The following STK38L variants were observed in gnomAD, a reference collection of about 807,000 sequenced individuals.
STK38L encodes serine/threonine kinase 38 like, also known as serine/threonine-protein kinase 38-like.
Under a neutral mutation model 59.7 loss-of-function variants are expected in STK38L, and 28 were observed. The observed-to-expected ratio is 0.47, with a 90% CI of 0.35 to 0.64. STK38L has a LOEUF of 0.64. Ranked by LOEUF, STK38L falls within the 30% of genes least tolerant of loss-of-function variation. STK38L has a pLI of 0.01. For missense variants in STK38L, 314 were observed against 555.8 expected (o/e 0.56, Z 4.37); for synonymous variants, 162 against 176.8 (o/e 0.92, Z 0.66).
At chr12:27,290,126 AAC>A (rs1295387141) in intron 1 of STK38L, among the ~76,000 whole-genome samples, 1 of 152,252 alleles carries the variant, frequency 6.6e-6, no homozygotes, top group Non-Finnish European at 1.5e-5. Flanking sequence ...TGATTTATCA[AAC>A]ACATGACGTA....
intron 1 of STK38L, among the ~76,000 whole-genome samples, chr12:27,286,102 T>A (rs1355943693): frequency 6.6e-6 from 1 of 152,178 alleles, no homozygotes; most frequent in Non-Finnish European, 1.5e-5. Context: ...TTAGTTTTGT[T>A]CCATGACATC....
At chr12:27,284,803 G>A (rs555063892) in intron 1 of STK38L, among the ~76,000 whole-genome samples, 1 of 152,330 alleles carries the variant, frequency 6.6e-6, no homozygotes, top group South Asian at 2.1e-4. Flanking sequence ...AGGTATTAAT[G>A]ATAAAGGTCA....
chr12:27,283,890 C>T (rs1036314143), intron 1 of STK38L, among the ~76,000 whole-genome samples: 2 of 152,066 alleles, frequency 1.3e-5, no homozygotes, highest in African/African-American at 4.8e-5. Context: ...ATTTTGAGAC[C>T]CTAACTTTGG....
At chr12:27,267,223 G>C (rs568385492) in intron 1 of STK38L, among the ~76,000 whole-genome samples, 1 of 151,994 alleles carries the variant, frequency 6.6e-6, no homozygotes, top group East Asian at 1.9e-4. Flanking sequence ...TGTCACATAT[G>C]AGAATATAAA....
At chr12:27,268,962 G>C (rs187905397) in intron 1 of STK38L, among the ~76,000 whole-genome samples, 1 of 152,048 alleles carries the variant, frequency 6.6e-6, no homozygotes, top group African/African-American at 2.4e-5. Flanking sequence ...TTTTTGATGG[G>C]GTTGTTTGTT....
At chr12:27,280,375 A>G (rs1943628146) in intron 1 of STK38L, among the ~76,000 whole-genome samples, 1 of 152,138 alleles carries the variant, frequency 6.6e-6, no homozygotes, top group African/African-American at 2.4e-5. Flanking sequence ...GATGTTTTTC[A>G]TTTTTATAGA....
At chr12:27,303,576 T>G (rs576125221) in intron 3 of STK38L, among the ~76,000 whole-genome samples, 1 of 152,188 alleles carries the variant, frequency 6.6e-6, no homozygotes, top group South Asian at 2.1e-4. Context: ...AAACAAATAA[T>G]GGCTTTTGCC....
chr12:27,288,349 ACTTTT>A (rs1373295435), intron 1 of STK38L, among the ~76,000 whole-genome samples: 1 of 152,204 alleles, frequency 6.6e-6, no homozygotes, highest in Non-Finnish European at 1.5e-5. Flanking sequence ...CTTTCGTCTT[ACTTTT>A]GACGGACCCA....
At chr12:27,303,848 G>T (rs1159783025) in intron 3 of STK38L, among the ~76,000 whole-genome samples, 1 of 152,122 alleles carries the variant, frequency 6.6e-6, no homozygotes, top group African/African-American at 2.4e-5. Context: ...GCTATAAAGG[G>T]TGCAATAAAA....
chr12:27,315,100 AC>A lies in STK38L; in HGVS notation c.761del (p.Pro254HisfsTer10). ...RTEFYRNLTH[N>X]PPSDFSFQNM... is the part of the protein sequence containing the mutation. ...GAATTTTATAGAAATCTCACACACA[AC>A]CCACCAAGTGACTTCTGTAAGTTTG... On this transcript the variant is annotated frameshift_variant, in exon 8 of 14. Coordinates refer to ENST00000389032, the MANE Select transcript of STK38L (RefSeq NM_015000.4). LOFTEE classifies it high-confidence loss of function. 1 of 1,613,506 alleles carries A rather than the reference AC, an allele frequency of 6.2e-7. No homozygotes were observed. Among genetic ancestry groups the A allele is most frequent in the Non-Finnish European group, 8.5e-7 (1 of 1,179,710 alleles).
chr12:27,307,314 G>T (rs957444963), intron 3 of STK38L, among the ~76,000 whole-genome samples: 2 of 152,174 alleles, frequency 1.3e-5, no homozygotes, highest in African/African-American at 4.8e-5. Flanking sequence ...AACTTTGTTA[G>T]AAGTATCAGA....
chr12:27,320,099 A>G (rs962340950), intron 12 of STK38L, among the ~76,000 whole-genome samples: 3 of 151,874 alleles, frequency 2.0e-5, no homozygotes, highest in African/African-American at 7.3e-5. Flanking sequence ...TCCCACCTCT[A>G]AGTTTTGCTA....
In STK38L at chr12:27,322,659, ATTAT is replaced by A; in HGVS notation, c.*207_*210del. The A allele has an allele frequency of 2.0e-6, 1 of 503,540 alleles. No individual in the cohort carries two copies. Among genetic ancestry groups the A allele is most frequent in the South Asian group, 4.8e-5 (1 of 21,052 alleles). The allele number at this position is 503,540 out of a possible 1,614,324, so 31.2% of individuals were successfully genotyped here. A position where few individuals can be genotyped will look rare whatever the true frequency, so the allele number is the denominator to read the frequency against. On this transcript the variant is annotated 3_prime_UTR_variant, in exon 14 of 14. Transcript: ENST00000389032. ...AGCTGGCTCTTTTTTTTAATATTTT[ATTAT>A]TTTTGTTAACTTTATTATATGAAGG...
chr12:27,294,342 A>C (rs1198074480), intron 1 of STK38L, among the ~76,000 whole-genome samples: 2 of 151,984 alleles, frequency 1.3e-5, no homozygotes, highest in Non-Finnish European at 2.9e-5. Flanking sequence ...CAACTTGGTG[A>C]AACCCCATCT....
At chr12:27,250,639 T>G (rs2136600587) in intron 1 of STK38L, among the ~76,000 whole-genome samples, 1 of 152,136 alleles carries the variant, frequency 6.6e-6, no homozygotes, top group East Asian at 1.9e-4. Context: ...ATGAGGAAAT[T>G]GGAGCTTAGA....
intron 1 of STK38L, among the ~76,000 whole-genome samples, chr12:27,250,254 C>T (rs4964050): frequency 0.43 from 66,076 of 152,012 alleles, 15,422 homozygotes; most frequent in East Asian, 0.86. Flanking sequence ...TTTATGAATA[C>T]GGTTATTGCT....
chr12:27,315,215 T>C (rs1326923870), intron 8 of STK38L, 74 bp from the exon 9 acceptor site: 3 of 1,575,722 alleles, frequency 1.9e-6, no homozygotes, highest in East Asian at 4.5e-5. Flanking sequence ...CACTGTGTTT[T>C]AGATGTATAT....
At chr12:27,260,909 C>A (rs898839383) in intron 1 of STK38L, among the ~76,000 whole-genome samples, 1 of 152,170 alleles carries the variant, frequency 6.6e-6, no homozygotes, top group Non-Finnish European at 1.5e-5. Flanking sequence ...GCTAGTTTAA[C>A]TAGACTTCTG....
chr12:27,276,065 A>AT (rs1943529266), intron 1 of STK38L, among the ~76,000 whole-genome samples: 1 of 152,182 alleles, frequency 6.6e-6, no homozygotes, highest in South Asian at 2.1e-4. Context: ...TAAGTCATTT[A>AT]TTTTAGCTTT....
Sources: allele counts gnomAD v4.1 joint callset (sites outside exome capture counted in the v4.1 genomes callset), GRCh38; gene constraint gnomAD v4.1.1; transcripts MANE v1.5; gene names NCBI Gene and HGNC (gene_info 2026-07-23, HGNC 2026-07-21).